The following HSF4 variants were observed in gnomAD, a reference collection of about 807,000 sequenced individuals.
The protein encoded by HSF4 is heat shock factor protein 4.
Under a neutral mutation model 52.0 loss-of-function variants are expected in HSF4, and 41 were observed. That is an observed-to-expected ratio of 0.79 (90% confidence interval 0.61 to 1.02). The LOEUF (loss-of-function observed/expected upper bound fraction) is 1.02, where lower values mean the gene tolerates loss of function less well. Among genes scored for constraint, HSF4 ranks in the 50% least tolerant of loss-of-function variants. The pLI, the probability that HSF4 is intolerant of heterozygous loss-of-function variation, is 0.00. For synonymous variants in HSF4, 285 were observed against 273.0 expected (o/e 1.04, Z -0.43); for missense variants, 610 against 651.1 (o/e 0.94, Z 0.69).
At chr16:67,164,709 G>GGGGCGGAGTA, upstream of HSF4, 1 of 1,373,576 alleles carries the variant, frequency 7.3e-7, no homozygotes, top group East Asian at 2.8e-5. Flanking sequence ...CCGGCGCCCC[G>GGGGCGGAGTA]GGGCGGAGTA....
chr16:67,169,349 G>C lies in HSF4; in HGVS notation c.1324+1G>C, dbSNP rs771123583. The C allele has an allele frequency of 6.2e-7, 1 of 1,612,722 alleles. No individual in the cohort carries two copies. The highest frequency in any genetic ancestry group is 8.5e-7 in the Non-Finnish European group (1 of 1,179,552). The stretch of plus-strand genomic sequence containing the variant: ...AAGGGGTTAAATTCTCCAAGCCCAG[G>C]TAATGGTTGTGATGACTCCTACCTG... On this transcript the variant is annotated splice_donor_variant, in intron 12 of 12. Transcript: ENST00000521374. LOFTEE classifies it high-confidence loss of function. This position sits in a 1 kb window ranked among gnomAD's most constrained non-coding sequence, Gnocchi z 4.3.
In HSF4 at chr16:67,167,756, C is replaced by T; in HGVS notation, c.891C>T (p.Ala297=). 1 of 1,606,584 alleles carries T rather than the reference C, an allele frequency of 6.2e-7. No homozygotes were observed. Among genetic ancestry groups the T allele is most frequent in the Non-Finnish European group, 8.5e-7 (1 of 1,176,976 alleles). ...TGGCACTGCTCAAAGAAGAGCCGGC[C>T]AGTCCAGGGGGGGATGGCGAGGCCG... ...KGLALLKEEP[A]SPGGDGEAGL... is the part of the protein sequence containing the mutation. The change falls in exon 9 of 13, where the codon GCC becomes GCT. Residue 297 remains alanine (A), a synonymous_variant. Transcript: ENST00000521374.
rs775679569 is a variant in HSF4, at chr16:67,165,772, C to A, written c.286C>A (p.Arg96Ser). 5 of 1,610,416 alleles carry A rather than the reference C, an allele frequency of 3.1e-6. No homozygotes were observed. In the South Asian group the frequency reaches 5.5e-5, roughly 18 times the overall value. The change falls in exon 3 of 13, where the codon CGC becomes AGC. Residue 96 changes from arginine (R) to serine (S), a missense_variant. Arg to Ser is a moderately radical substitution (Grantham distance 110, BLOSUM62 -1). Transcript: ENST00000521374. This position sits in a 1 kb window ranked among gnomAD's most constrained non-coding sequence, Gnocchi z 6.9. Reference protein sequence around the residue: ...IEQGGLLRPERDHVEFQHPSF... With the variant: ...IEQGGLLRPESDHVEFQHPSF... The stretch of plus-strand genomic sequence containing the variant: ...GCAGGGCGGCCTGCTTAGGCCGGAG[C>A]GCGACCACGTCGAGTTCCAGCACCC...
intron 9 of HSF4, among the ~76,000 whole-genome samples, 199 bp downstream of exon 9, chr16:67,168,146 TC>T (rs2031441927): frequency 6.6e-6 from 1 of 152,186 alleles, no homozygotes; most frequent in Non-Finnish European, 1.5e-5. Context: ...TGAAATGAGT[TC>T]CCTGGGGTGA....
upstream of HSF4, chr16:67,163,770 C>T (rs1404994191): frequency 1.9e-5 from 30 of 1,577,508 alleles, no homozygotes; most frequent in Non-Finnish European, 2.5e-5. Context: ...CACCTATACC[C>T]TCAAGCTCAC....
chr16:67,167,608 G>C lies in HSF4; in HGVS notation c.854+9G>C. 6.2e-7 allele frequency: 1 copy of C among 1,613,080 alleles called. No homozygotes were observed. Among genetic ancestry groups the C allele is most frequent in the Non-Finnish European group, 8.5e-7 (1 of 1,179,770 alleles). On this transcript the variant is annotated intron_variant, in intron 8 of 12. Coordinates refer to ENST00000521374, the MANE Select transcript of HSF4 (RefSeq NM_001374675.1). ...TCCAGTGATGGCAGGAGGTAAGGGG[G>C]ACAGGGCTGCCCCTGAGGGGCCTGT...
chr16:67,169,768 G>A lies in HSF4; in HGVS notation c.1462G>A (p.Ala488Thr), dbSNP rs1345703647. ...SRTASYLGPE[A>T]SPSP ...GACTGCCTCCTACTTGGGCCCGGAA[G>A]CCAGTCCCTCCCCCTAAGACCCCGC... is the stretch of plus-strand genomic sequence containing the variant. Residue 488 changes from alanine to threonine, a missense_variant, in exon 13 of 13, where the codon GCC (alanine) becomes ACC (threonine). Physicochemically the swap from Ala to Thr is moderately conservative, Grantham distance 58. Transcript: ENST00000521374. The surrounding 1 kb of genome is among the most constrained non-coding windows in gnomAD (Gnocchi z 4.3). The A allele has an allele frequency of 6.2e-7, 1 of 1,613,112 alleles. No homozygotes were observed.
At position 67,166,481 on chromosome 16, in the gene HSF4, CTT is replaced by C. The variant is rs2031306565; in HGVS notation, c.562-76_562-75del. 2.5e-6 allele frequency: 4 copies of C among 1,599,458 alleles called. No homozygotes were observed. The East Asian group carries it at 8.9e-5, about 36-fold the overall frequency. ...CAGTCCCCCGGCGCCCCTGTTAAGC[CTT>C]CCTCCCTCACCTGGAAGTGCGGGGG... On this transcript the variant is annotated intron_variant, in intron 5 of 12. Transcript: ENST00000521374.
rs2031514168 is a variant in HSF4, at chr16:67,168,868, G to C, written c.1120G>C (p.Glu374Gln). ...CCTGGAAAGCGGGGACAGGAGCCCA[G>C]AGAGTCTGCTGCCTCCGATGCTGCT... ...LGLESGDRSP[E>Q]SLLPPMLLQP... is the part of the protein sequence containing the mutation. The change falls in exon 10 of 13, where the codon GAG becomes CAG. Residue 374 changes from glutamate to glutamine, a missense_variant. Transcript: ENST00000521374. 7 of 1,614,008 alleles carry C rather than the reference G, an allele frequency of 4.3e-6. No individual in the cohort carries two copies. Among genetic ancestry groups the C allele is most frequent in the Non-Finnish European group, 5.9e-6 (7 of 1,180,042 alleles).
chr16:67,165,734 T>C lies in HSF4; in HGVS notation c.248T>C (p.Val83Ala). 1 of 1,611,498 alleles carries C rather than the reference T, an allele frequency of 6.2e-7. No individual in the cohort carries two copies. The highest frequency in any genetic ancestry group is 1.7e-4 in the Middle Eastern group (1 of 6,060). ...CACTCCCCAGACGGTTTTCGGAAGG[T>C]GGTGAGCATCGAGCAGGGCGGCCTG... ...RQLNMYGFRK[V>A]VSIEQGGLLR... The change falls in exon 3 of 13, where the codon GTG (valine) becomes GCG (alanine). Residue 83 changes from valine (V) to alanine (A), a missense_variant. Transcript: ENST00000521374. This position sits in a 1 kb window ranked among gnomAD's most constrained non-coding sequence, Gnocchi z 6.9.
Position 67,165,767 on chromosome 16 carries a change from C to G in HSF4, c.281C>G (p.Pro94Arg). 3 of 1,610,696 alleles carry G rather than the reference C, an allele frequency of 1.9e-6. No individual in the cohort carries two copies. The highest frequency in any genetic ancestry group is 2.5e-6 in the Non-Finnish European group (3 of 1,179,676). Reference protein sequence around the residue: ...VSIEQGGLLRPERDHVEFQHP... With the variant: ...VSIEQGGLLRRERDHVEFQHP... ...ATCGAGCAGGGCGGCCTGCTTAGGC[C>G]GGAGCGCGACCACGTCGAGTTCCAG... The change falls in exon 3 of 13, where the codon CCG becomes CGG. Residue 94 changes from proline to arginine, a missense_variant. By Grantham distance (103) the Pro-to-Arg change is moderately radical. Coordinates refer to ENST00000521374, the MANE Select transcript of HSF4 (RefSeq NM_001374675.1). The surrounding 1 kb of genome is among the most constrained non-coding windows in gnomAD (Gnocchi z 6.9).
rs747029101 is a variant in HSF4 at position 67,169,347 on chromosome 16, A to C, written c.1323A>C (p.Pro441=). 3 of 1,612,902 alleles carry C rather than the reference A, an allele frequency of 1.9e-6. No individual in the cohort carries two copies. The highest frequency in any genetic ancestry group is 2.5e-6 in the Non-Finnish European group (3 of 1,179,648). ...TCAAGGGGTTAAATTCTCCAAGCCC[A>C]GGTAATGGTTGTGATGACTCCTACC... ...LAVKGLNSPS[P]GKDPTLGAPL... The change falls in exon 12 of 13, where the codon CCA becomes CCC. Residue 441 remains proline (P), a splice_region_variant and synonymous_variant. Coordinates refer to ENST00000521374, the MANE Select transcript of HSF4 (RefSeq NM_001374675.1). The surrounding 1 kb of genome is among the most constrained non-coding windows in gnomAD (Gnocchi z 4.3).
At chr16:67,167,412 G>A (rs771423570) in intron 7 of HSF4, 63 bp from the exon 8 acceptor site, 5 of 1,613,232 alleles carry the variant, frequency 3.1e-6, no homozygotes, top group Admixed American at 1.7e-5. Flanking sequence ...GGTGGGTGTT[G>A]GTGGGGTTCT....
Position 67,169,203 on chromosome 16 carries a change from T to G in HSF4, c.1255-76T>G, listed in dbSNP as rs2031554376. On this transcript the variant is annotated intron_variant, in intron 11 of 12. Transcript: ENST00000521374. This position sits in a 1 kb window ranked among gnomAD's most constrained non-coding sequence, Gnocchi z 4.3. The stretch of plus-strand genomic sequence containing the variant: ...GCCAAAGCCGTGTCTCTAGAAGAAT[T>G]GTCACAGTGATTTCCCAGCTGTCCC... The G allele has an allele frequency of 1.2e-6, 2 of 1,608,038 alleles. No individual in the cohort carries two copies. Among genetic ancestry groups the G allele is most frequent in the African/African-American group, 2.7e-5 (2 of 74,912 alleles).
chr16:67,166,241 C>A (rs1022890807), intron 4 of HSF4, 79 bp from the exon 5 acceptor site: 11 of 1,458,602 alleles, frequency 7.5e-6, no homozygotes, highest in South Asian at 2.4e-5. Flanking sequence ...TCTCCTGGGT[C>A]CCCAGCCTCG....
In HSF4 at chr16:67,165,797, C is replaced by T. The variant is rs1260137758; in HGVS notation, c.311C>T (p.Pro104Leu). The change falls in exon 3 of 13, where the codon CCG becomes CTG. Residue 104 changes from proline to leucine, a missense_variant. Pro to Leu is a moderately conservative substitution (Grantham distance 98). Coordinates refer to ENST00000521374, the MANE Select transcript of HSF4 (RefSeq NM_001374675.1). The surrounding 1 kb of genome is among the most constrained non-coding windows in gnomAD (Gnocchi z 6.9). ...PERDHVEFQH[P>L]SFVRGREQLL... The stretch of plus-strand genomic sequence containing the variant: ...CGCGACCACGTCGAGTTCCAGCACC[C>T]GAGCTTCGTGCGCGGCCGCGAGCAG... 8 of 1,609,128 alleles carry T rather than the reference C, an allele frequency of 5.0e-6. No individual in the cohort carries two copies. The highest frequency in any genetic ancestry group is 1.1e-5 in the South Asian group (1 of 91,016).
chr16:67,168,012 T>C, intron 9 of HSF4, 65 bp downstream of exon 9: 1 of 1,303,354 alleles, frequency 7.7e-7, no homozygotes, highest in Non-Finnish European at 1.1e-6. Context: ...CCCACAAAGC[T>C]TCCTAGCCAT....
intron 6 of HSF4, 21 bp from the exon 7 acceptor site, chr16:67,167,099 G>A: frequency 6.2e-7 from 1 of 1,614,088 alleles, no homozygotes; most frequent in Non-Finnish European, 8.5e-7. Context: ...ACCCCTGCCT[G>A]TGCCCTGATC....
intron 6 of HSF4, among the ~76,000 whole-genome samples, chr16:67,166,908 ACCAGGTTC>A (rs1442491866): frequency 6.6e-6 from 1 of 151,958 alleles, no homozygotes; most frequent in Non-Finnish European, 1.5e-5. Context: ...TGGGGCTCAA[ACCAGGTTC>A]CCTCCCTCCC....
Sources: allele counts gnomAD v4.1 joint callset (sites outside exome capture counted in the v4.1 genomes callset), GRCh38; gene constraint gnomAD v4.1.1; non-coding constraint Gnocchi (gnomAD v3.1); transcripts MANE v1.5; gene names NCBI Gene and HGNC (gene_info 2026-07-23, HGNC 2026-07-21).